Variants in HNRNPH3 observed in about 807,000 individuals in gnomAD.
HNRNPH3 encodes the protein heterogeneous nuclear ribonucleoprotein 2H9.
HNRNPH3 carries 7 observed loss-of-function variants against 47.0 expected under a neutral mutation model. The ratio of observed to expected loss-of-function variants is 0.15; its 90% confidence interval spans 0.08 to 0.28. The LOEUF (loss-of-function observed/expected upper bound fraction) is 0.28. Among genes scored for constraint, HNRNPH3 ranks in the 10% least tolerant of loss-of-function variants. HNRNPH3 has a pLI of 1.00. For missense variants in HNRNPH3, 279 were observed against 449.6 expected, an observed-to-expected ratio of 0.62 and a Z score of 3.43; for synonymous variants, 120 against 143.2, an observed-to-expected ratio of 0.84 and a Z score of 1.16.
At position 68,339,319 on chromosome 10, in the gene HNRNPH3, G is replaced by A. The variant is rs897465684; in HGVS notation, c.523+93G>A. 12 of 1,565,456 alleles carry A rather than the reference G, an allele frequency of 7.7e-6. No individual in the cohort carries two copies. The African/African-American group carries it at 1.1e-4, about 14-fold the overall frequency. ...TGGTAATATAGGAAACTTGTATAAAGTTAATTCAGACAAATTTCAGTGCAT... is the reference window on the plus strand; with the variant it reads ...TGGTAATATAGGAAACTTGTATAAAATTAATTCAGACAAATTTCAGTGCAT... On this transcript the variant is annotated intron_variant, in intron 5 of 9. Coordinates refer to ENST00000265866, the MANE Select transcript of HNRNPH3 (RefSeq NM_012207.3).
At position 68,338,591 on chromosome 10, in the gene HNRNPH3, T is replaced by C; in HGVS notation, c.340T>C (p.Tyr114His). The C allele has an allele frequency of 6.2e-7, 1 of 1,613,386 alleles. No homozygotes were observed. Among genetic ancestry groups the C allele is most frequent in the Non-Finnish European group, 8.5e-7 (1 of 1,179,512 alleles). ...RRLLGQRPGP[Y>H]DRPIGGRGGY... Reference sequence around the variant, plus strand: ...ATTGCTGGGACAGCGACCGGGACCATATGATAGACCAATAGGAGGAAGAGG... The same window carrying C: ...ATTGCTGGGACAGCGACCGGGACCACATGATAGACCAATAGGAGGAAGAGG... The change falls in exon 4 of 10, where the codon TAT (tyrosine) becomes CAT (histidine). Residue 114 changes from tyrosine to histidine, a missense_variant. Physicochemically the swap from Tyr to His is moderately conservative, Grantham distance 83. This residue lies in a region of HNRNPH3 where 239 missense variants were observed against 335.8 expected (regional missense o/e 0.71). Coordinates refer to ENST00000265866, the MANE Select transcript of HNRNPH3 (RefSeq NM_012207.3).
intron 1 of HNRNPH3, chr10:68,336,814 G>T (rs2134681341): frequency 6.2e-6 from 1 of 160,080 alleles, no homozygotes; most frequent in South Asian, 2.0e-4. Context: ...AAGTTTTAAA[G>T]AATTTGAATA....
At position 68,337,638 on chromosome 10, in the gene HNRNPH3, G is replaced by A. The variant is rs2134690681; in HGVS notation, c.113-220G>A. 1.9e-6 allele frequency: 1 copy of A among 531,218 alleles called. No individual in the cohort carries two copies. The highest frequency in any genetic ancestry group is 1.9e-5 in the African/African-American group (1 of 52,710). The allele number at this position is 531,218 out of a possible 1,614,324, so 32.9% of individuals were successfully genotyped here. ...CATGTAATATAGGTGGGCTTTTAGA[G>A]TGTGTAATTACACAGTGTTTTTACA... On this transcript the variant is annotated intron_variant, in intron 2 of 9. Coordinates refer to ENST00000265866, the MANE Select transcript of HNRNPH3 (RefSeq NM_012207.3). This position sits in a 1 kb window ranked among gnomAD's most constrained non-coding sequence, Gnocchi z 4.5.
intron 1 of HNRNPH3, among the ~76,000 whole-genome samples, chr10:68,333,874 C>G (rs1225798545): frequency 6.6e-6 from 1 of 152,144 alleles, no homozygotes; most frequent in African/African-American, 2.4e-5. Context: ...AAAATCTTAC[C>G]TTGAAACAGT....
chr10:68,338,028 T>G, intron 3 of HNRNPH3, 32 bp downstream of exon 3: 1 of 1,541,164 alleles, frequency 6.5e-7, no homozygotes, highest in South Asian at 1.2e-5. Flanking sequence ...TGGTGTTAAA[T>G]TTTTATTTTT....
Position 68,337,795 on chromosome 10 carries a change from A to T in HNRNPH3, c.113-63A>T. 1 of 1,362,480 alleles carries T rather than the reference A, an allele frequency of 7.3e-7. No individual in the cohort carries two copies. Among genetic ancestry groups the T allele is most frequent in the South Asian group, 1.4e-5 (1 of 70,940 alleles). 84.4% of individuals were successfully genotyped at this position (1,362,480 alleles called of 1,614,324 possible). ...GACTTGTTTTAAATATTTGATTCAG[A>T]TGGGAATGTTTCAGCCTTTAACACT... On this transcript the variant is annotated intron_variant, in intron 2 of 9. Transcript: ENST00000265866. This position sits in a 1 kb window ranked among gnomAD's most constrained non-coding sequence, Gnocchi z 4.5.
At chr10:68,338,742 A>G (rs557506835) in intron 4 of HNRNPH3, 55 bp downstream of exon 4, 5 of 1,385,556 alleles carry the variant, frequency 3.6e-6, no homozygotes, top group Non-Finnish European at 4.9e-6. Context: ...TGTTCCTGAC[A>G]CTTTGTCAAG....
chr10:68,341,882 C>T (rs1307808614), intron 9 of HNRNPH3, 31 bp downstream of exon 9: 4 of 1,591,846 alleles, frequency 2.5e-6, no homozygotes, highest in Non-Finnish European at 3.4e-6. Context: ...TTGTGTTAGT[C>T]CGCATATGTA....
intron 7 of HNRNPH3, 65 bp downstream of exon 7, chr10:68,341,374 A>C: frequency 6.6e-7 from 1 of 1,510,768 alleles, no homozygotes; most frequent in Non-Finnish European, 9.0e-7. Context: ...AAGAGGCTCT[A>C]AGATCTGTAG....
chr10:68,334,208 A>G (rs12217908), intron 1 of HNRNPH3, among the ~76,000 whole-genome samples: 15,562 of 152,248 alleles, frequency 0.1, 1,047 homozygotes, highest in South Asian at 0.24. Flanking sequence ...GGAAGGAATG[A>G]TGTAAATTTT....
chr10:68,341,196 T>C lies in HNRNPH3; in HGVS notation c.662T>C (p.Ile221Thr). The C allele has an allele frequency of 6.3e-7, 1 of 1,584,270 alleles. No individual in the cohort carries two copies. Among genetic ancestry groups the C allele is most frequent in the Non-Finnish European group, 8.5e-7 (1 of 1,170,134 alleles). ...IANFFSPLNP[I>T]RVHIDIGADG... ...TAGTTCTTCTCACCACTAAATCCAA[T>C]ACGAGTTCATATTGATATTGGAGCT... is the stretch of plus-strand genomic sequence containing the variant. Residue 221 changes from isoleucine to threonine, a missense_variant, in exon 7 of 10, where the codon ATA becomes ACA. Physicochemically the swap from Ile to Thr is moderately conservative, Grantham distance 89. This residue lies in a region of HNRNPH3 where 239 missense variants were observed against 335.8 expected (regional missense o/e 0.71). Coordinates refer to ENST00000265866, the MANE Select transcript of HNRNPH3 (RefSeq NM_012207.3).
intron 4 of HNRNPH3, 102 bp from the exon 5 acceptor site, chr10:68,339,038 T>A: frequency 2.3e-6 from 2 of 866,994 alleles, no homozygotes; most frequent in Admixed American, 2.7e-5. Flanking sequence ...AAACTTGCAA[T>A]CAAGTTACAC....
At chr10:68,336,167 CTT>C (rs5785860) in intron 1 of HNRNPH3, among the ~76,000 whole-genome samples, 1 of 152,024 alleles carries the variant, frequency 6.6e-6, no homozygotes, top group East Asian at 1.9e-4. Context: ...AATGAACAAA[CTT>C]TGTTTACAGG....
In HNRNPH3 at chr10:68,342,737, A is replaced by C. The variant is rs2046037822; in HGVS notation, c.*683A>C. ...TTCAGCACTTGACCGAAATACCAAA[A>C]ATGTCTCCAAAAAATTGATAGTTGC... On this transcript the variant is annotated 3_prime_UTR_variant, in exon 10 of 10. Coordinates refer to ENST00000265866, the MANE Select transcript of HNRNPH3 (RefSeq NM_012207.3). The C allele has an allele frequency of 6.6e-6, 1 of 152,556 alleles. No homozygotes were observed. The highest frequency in any genetic ancestry group is 1.9e-4 in the East Asian group (1 of 5,200). The allele number at this position is 152,556 out of a possible 1,614,324, so 9.5% of individuals were successfully genotyped here. A position where few individuals can be genotyped will look rare whatever the true frequency, so the allele number is the denominator to read the frequency against.
Position 68,337,799 on chromosome 10 carries a change from G to A in HNRNPH3, c.113-59G>A. The A allele has an allele frequency of 7.2e-7, 1 of 1,397,566 alleles. No homozygotes were observed. The highest frequency in any genetic ancestry group is 1.4e-5 in the South Asian group (1 of 73,268). 86.6% of individuals were successfully genotyped at this position (1,397,566 alleles called of 1,614,324 possible). Reference sequence around the variant, plus strand: ...TGTTTTAAATATTTGATTCAGATGGGAATGTTTCAGCCTTTAACACTGTTC... The same window carrying A: ...TGTTTTAAATATTTGATTCAGATGGAAATGTTTCAGCCTTTAACACTGTTC... On this transcript the variant is annotated intron_variant, in intron 2 of 9. Transcript: ENST00000265866. This position sits in a 1 kb window ranked among gnomAD's most constrained non-coding sequence, Gnocchi z 4.5.
chr10:68,341,720 T>C, intron 8 of HNRNPH3, 39 bp from the exon 9 acceptor site: 3 of 1,585,766 alleles, frequency 1.9e-6, no homozygotes, highest in Non-Finnish European at 2.6e-6. Flanking sequence ...TAGCTGCTTA[T>C]CGATGAGTCT....
intron 1 of HNRNPH3, among the ~76,000 whole-genome samples, chr10:68,332,526 C>T (rs2045213594): frequency 6.6e-6 from 1 of 152,252 alleles, no homozygotes. Flanking sequence ...GGCGCGGCCA[C>T]CTCGGCTTCC....
At chr10:68,341,051 A>G (rs1215422778) in intron 6 of HNRNPH3, 123 bp from the exon 7 acceptor site, 2 of 633,116 alleles carry the variant, frequency 3.2e-6, no homozygotes, top group Non-Finnish European at 5.3e-6. Context: ...GTAGTTGACT[A>G]AGTTATTAGT....
Position 68,338,663 on chromosome 10 carries a change from C to T in HNRNPH3, c.412C>T (p.Arg138Ter). 6.3e-7 allele frequency: 1 copy of T among 1,596,396 alleles called. No homozygotes were observed. ...GRGSMYDRMR[R>*]GGDGYDGGYG... The stretch of plus-strand genomic sequence containing the variant: ...TGGAAGTATGTATGACAGAATGCGA[C>T]GAGGAGGTGATGGATATGATGGTGG... The change falls in exon 4 of 10, where the codon CGA becomes TGA. Residue 138 changes from arginine to a stop codon, truncating the protein, a stop_gained. Transcript: ENST00000265866. LOFTEE classifies it high-confidence loss of function.
Sources: allele counts gnomAD v4.1 joint callset (sites outside exome capture counted in the v4.1 genomes callset), GRCh38; gene constraint gnomAD v4.1.1; regional missense constraint gnomAD v4.1.1; non-coding constraint Gnocchi (gnomAD v3.1); transcripts MANE v1.5; gene names NCBI Gene and HGNC (gene_info 2026-07-23, HGNC 2026-07-21).